The following LEF1 variants were observed in gnomAD, a reference collection of about 807,000 sequenced individuals.
LEF1 encodes the protein lymphoid enhancer-binding factor 1.
LEF1 carries 14 observed loss-of-function variants against 51.2 expected under a neutral mutation model. That is an observed-to-expected ratio of 0.27 (90% CI 0.18 to 0.43). The LOEUF is 0.43. Among genes scored for constraint, LEF1 ranks in the 20% least tolerant of loss-of-function variants. The pLI is 1.00. For missense variants in LEF1, 386 were observed against 512.0 expected (o/e 0.75, Z 2.37); for synonymous variants, 185 against 183.2 (o/e 1.01, Z -0.08).
intron 3 of LEF1, among the ~76,000 whole-genome samples, chr4:108,089,752 T>C (rs1033641561): frequency 2.0e-5 from 3 of 152,136 alleles, no homozygotes; most frequent in Admixed American, 1.3e-4. Flanking sequence ...CCAATAAATA[T>C]AAATTTCCTA....
In LEF1 at chr4:108,141,529, A is replaced by C. The variant is rs144559975; in HGVS notation, c.414+22039T>G. Reference sequence around the variant, plus strand: ...CCTGTTTTCATGATGGTTGAATTACACATAATTGTTTCTGCACAGTGATTG... The same window carrying C: ...CCTGTTTTCATGATGGTTGAATTACCCATAATTGTTTCTGCACAGTGATTG... On this transcript the variant is annotated intron_variant, in intron 3 of 11. Transcript: ENST00000265165. 4.9e-3 allele frequency among the ~76,000 whole-genome samples: 754 copies of C among 152,330 alleles called. 3 individuals are homozygous for C. The highest frequency in any genetic ancestry group is 7.5e-3 in the Non-Finnish European group (510 of 68,036).
At chr4:108,140,357 C>A (rs1743563101) in intron 3 of LEF1, among the ~76,000 whole-genome samples, 2 of 152,190 alleles carry the variant, frequency 1.3e-5, no homozygotes, top group Non-Finnish European at 1.5e-5. Flanking sequence ...TTCAACTCTG[C>A]ACTTGTCCTC....
At chr4:108,069,957 CAAAA>C (rs5860891) in intron 9 of LEF1, among the ~76,000 whole-genome samples, 1 of 142,734 alleles carries the variant, frequency 7.0e-6, no homozygotes. Flanking sequence ...GATTCTGTCT[CAAAA>C]AAAAAAAAAA....
intron 10 of LEF1, 68 bp from the exon 11 acceptor site, chr4:108,063,731 G>T: frequency 1.0e-6 from 1 of 999,598 alleles, no homozygotes; most frequent in Non-Finnish European, 1.5e-6. Flanking sequence ...ATACGTAGTA[G>T]CTACAATATC....
intron 9 of LEF1, among the ~76,000 whole-genome samples, chr4:108,066,444 C>A (rs1022967285): frequency 2.0e-5 from 3 of 152,182 alleles, no homozygotes; most frequent in Non-Finnish European, 2.9e-5. Context: ...CTCCCTATGA[C>A]CCTGAGCTCA....
At chr4:108,126,075 T>A (rs1241355715) in intron 3 of LEF1, among the ~76,000 whole-genome samples, 3 of 152,166 alleles carry the variant, frequency 2.0e-5, no homozygotes, top group Non-Finnish European at 4.4e-5. Context: ...TATTCCTGAG[T>A]CTAGTGGTCA....
chr4:108,136,734 A>G (rs1455621610), intron 3 of LEF1, among the ~76,000 whole-genome samples: 2 of 152,156 alleles, frequency 1.3e-5, no homozygotes, highest in Non-Finnish European at 2.9e-5. Flanking sequence ...TTTTTCTTTA[A>G]AAAACATAAA....
intron 11 of LEF1, among the ~76,000 whole-genome samples, chr4:108,057,261 A>C (rs1339496353): frequency 6.6e-6 from 1 of 152,128 alleles, no homozygotes; most frequent in Non-Finnish European, 1.5e-5. Context: ...CTTGGACAAG[A>C]CTTAAGAGTT....
intron 3 of LEF1, among the ~76,000 whole-genome samples, chr4:108,157,148 TTC>T (rs141657105): frequency 0.35 from 40,072 of 114,324 alleles, 7,715 homozygotes; most frequent in Middle Eastern, 0.54. Context: ...TACCTCTTCA[TTC>T]TCTCTCTCTC....
intron 9 of LEF1, among the ~76,000 whole-genome samples, chr4:108,067,916 C>T (rs1010692536): frequency 3.9e-5 from 6 of 152,056 alleles, no homozygotes; most frequent in Non-Finnish European, 8.8e-5. Context: ...ATGGTAATTG[C>T]TGCTCAGAAA....
At chr4:108,127,042 G>A (rs1742589268) in intron 3 of LEF1, among the ~76,000 whole-genome samples, 1 of 152,044 alleles carries the variant, frequency 6.6e-6, no homozygotes, top group African/African-American at 2.4e-5. Context: ...AATACTACAG[G>A]GGTAATTATA....
At chr4:108,118,805 T>C (rs1407783255) in intron 3 of LEF1, among the ~76,000 whole-genome samples, 1 of 152,192 alleles carries the variant, frequency 6.6e-6, no homozygotes. Flanking sequence ...TGACTCATTT[T>C]CTTTAATGAG....
chr4:108,076,951 TGGGA>T (rs1471736385), intron 8 of LEF1, among the ~76,000 whole-genome samples: 1 of 138,078 alleles, frequency 7.2e-6, no homozygotes, highest in African/African-American at 2.7e-5. Context: ...CACTTGAAGC[TGGGA>T]GGCAGAGTTT....
At chr4:108,064,068 A>AAAAC (rs749709291) in intron 10 of LEF1, among the ~76,000 whole-genome samples, 7 of 152,216 alleles carry the variant, frequency 4.6e-5, no homozygotes, top group African/African-American at 1.7e-4. Flanking sequence ...AAGCAAAAAT[A>AAAAC]AAACAAACAA....
intron 3 of LEF1, among the ~76,000 whole-genome samples, chr4:108,109,560 A>T (rs957913204): frequency 1.3e-5 from 2 of 152,216 alleles, no homozygotes; most frequent in Non-Finnish European, 2.9e-5. Flanking sequence ...ACATGCATTA[A>T]TATTTGCAAA....
chr4:108,127,973 A>G (rs2110345786), intron 3 of LEF1, among the ~76,000 whole-genome samples: 1 of 152,242 alleles, frequency 6.6e-6, no homozygotes, highest in Non-Finnish European at 1.5e-5. Flanking sequence ...CTACTTCCTT[A>G]ACTCTCCAAC....
chr4:108,097,329 C>T (rs905425968), intron 3 of LEF1, among the ~76,000 whole-genome samples: 1 of 152,106 alleles, frequency 6.6e-6, no homozygotes, highest in African/African-American at 2.4e-5. Context: ...GTGAAATAAG[C>T]CAGGCACAGA....
chr4:108,081,349 C>T (rs1486551312), intron 6 of LEF1, among the ~76,000 whole-genome samples: 1 of 152,108 alleles, frequency 6.6e-6, no homozygotes, highest in Non-Finnish European at 1.5e-5. Context: ...GCAACGCTTT[C>T]CAAGGAGGCT....
At chr4:108,132,659 C>CTTGTTTTTTTTTT (rs1742970254) in intron 3 of LEF1, among the ~76,000 whole-genome samples, 1 of 47,438 alleles carries the variant, frequency 2.1e-5, no homozygotes, top group Non-Finnish European at 3.6e-5. Flanking sequence ...GAAAATCTGC[C>CTTGTTTTTTTTTT]TTTTTTTTTT....
Sources: gnomAD v4.1 joint callset for allele counts (sites outside exome capture counted in the v4.1 genomes callset) on GRCh38, gnomAD v4.1.1 for gene constraint, MANE v1.5 for transcripts, NCBI Gene and HGNC (gene_info 2026-07-23, HGNC 2026-07-21) for gene names.